DCDC2: variants seen among roughly 807,000 people sequenced by gnomAD.
The protein encoded by DCDC2 is doublecortin domain containing 2.
In DCDC2, 40 loss-of-function variants were observed where a neutral mutation model predicts 50.2. The observed-to-expected ratio is 0.80, with a 90% CI of 0.62 to 1.04. The LOEUF (loss-of-function observed/expected upper bound fraction) is 1.04, where lower values mean the gene tolerates loss of function less well. Ranked by LOEUF, DCDC2 falls within the 50% of genes least tolerant of loss-of-function variation. The pLI is 0.00. For synonymous variants in DCDC2, 234 were observed against 210.6 expected (o/e 1.11, Z -0.96); for missense variants, 570 against 581.9 (o/e 0.98, Z 0.21).
At chr6:24,207,053 C>T (rs2113763212) in intron 7 of DCDC2, among the ~76,000 whole-genome samples, 1 of 152,150 alleles carries the variant, frequency 6.6e-6, no homozygotes. Flanking sequence ...TCATTTTTAC[C>T]ATAAACATTA....
chr6:24,247,948 T>C (rs1433110004), intron 7 of DCDC2, among the ~76,000 whole-genome samples: 1 of 152,124 alleles, frequency 6.6e-6, no homozygotes, highest in Non-Finnish European at 1.5e-5. Flanking sequence ...TGGTGGCGGA[T>C]GCCTGTAATC....
chr6:24,309,482 T>C (rs1024296018), intron 2 of DCDC2, among the ~76,000 whole-genome samples: 1 of 152,178 alleles, frequency 6.6e-6, no homozygotes, highest in African/African-American at 2.4e-5. Context: ...AGAACTGGCA[T>C]AATATTATTT....
At chr6:24,302,848 C>T (rs536912807) in intron 2 of DCDC2, among the ~76,000 whole-genome samples, 1 of 152,036 alleles carries the variant, frequency 6.6e-6, no homozygotes, top group South Asian at 2.1e-4. Flanking sequence ...TCTCATCTCA[C>T]CTCACCCCTC....
intron 8 of DCDC2, among the ~76,000 whole-genome samples, chr6:24,203,797 AACAAACAAAC>A (rs1477019302): frequency 6.0e-5 from 7 of 117,520 alleles, no homozygotes; most frequent in Non-Finnish European, 9.4e-5. Context: ...CAAGAAAAAA[AACAAACAAAC>A]CCATCAAAAA....
chr6:24,183,484 G>A (rs1045225571), intron 8 of DCDC2, among the ~76,000 whole-genome samples: 2 of 152,150 alleles, frequency 1.3e-5, no homozygotes, highest in African/African-American at 4.8e-5. Flanking sequence ...TTCCAAGGGG[G>A]AAGAAGGTAT....
chr6:24,340,023 T>C (rs1399451521), intron 2 of DCDC2, among the ~76,000 whole-genome samples: 2 of 152,158 alleles, frequency 1.3e-5, no homozygotes, highest in Non-Finnish European at 2.9e-5. Context: ...TAAGAGTCAC[T>C]AAGTAAAAAT....
chr6:24,340,191 T>C (rs1179607402), intron 2 of DCDC2, among the ~76,000 whole-genome samples: 1 of 152,176 alleles, frequency 6.6e-6, no homozygotes, highest in Non-Finnish European at 1.5e-5. Context: ...TCCTTCTGTT[T>C]GCCTGGTGAA....
intron 7 of DCDC2, among the ~76,000 whole-genome samples, chr6:24,220,819 G>A (rs1441781838): frequency 2.0e-4 from 8 of 39,954 alleles, no homozygotes; most frequent in Admixed American, 3.1e-4. Flanking sequence ...GGCAGAAAGC[G>A]AAGGGGAAGC....
rs1037241143 is a variant in DCDC2 at position 24,174,061 on chromosome 6, T to C, written c.*669A>G. On this transcript the variant is annotated 3_prime_UTR_variant, in exon 10 of 10. Transcript: ENST00000378454. ...ACAATTCCTTCCTGAGTGTGCGCCA[T>C]TGGAGCCACAAGCATGCAAGCCTGA... is the stretch of plus-strand genomic sequence containing the variant. The C allele has an allele frequency of 1.3e-5, 2 of 152,210 alleles. No homozygotes were observed. The highest frequency in any genetic ancestry group is 3.9e-4 in the East Asian group (2 of 5,188). The allele number at this position is 152,210 out of a possible 1,614,324, so 9.4% of individuals were successfully genotyped here.
intron 7 of DCDC2, among the ~76,000 whole-genome samples, chr6:24,263,930 C>T (rs1763063929): frequency 6.6e-6 from 1 of 152,104 alleles, no homozygotes; most frequent in Non-Finnish European, 1.5e-5. Flanking sequence ...AACCTCAAGA[C>T]ATTTAATAAT....
intron 1 of DCDC2, among the ~76,000 whole-genome samples, chr6:24,356,696 G>C (rs1362368266): frequency 6.6e-6 from 1 of 152,242 alleles, no homozygotes; most frequent in Middle Eastern, 3.4e-3. Context: ...TTAGTGTGCA[G>C]GTAGTCCAGT....
intron 7 of DCDC2, among the ~76,000 whole-genome samples, chr6:24,249,346 T>C (rs564751014): frequency 3.8e-4 from 58 of 152,354 alleles, no homozygotes; most frequent in Non-Finnish European, 7.6e-4. Context: ...TCTGATAGTT[T>C]GAGTCCCATG....
At chr6:24,368,362 GA>G in the DCDC2 span, among the ~76,000 whole-genome samples, 802 of 148,784 alleles carry the variant, frequency 5.4e-3, 4 homozygotes, top group African/African-American at 0.018. Flanking sequence ...ATCTTAAGAA[GA>G]AAAAAAAACA....
intron 6 of DCDC2, among the ~76,000 whole-genome samples, chr6:24,286,969 G>C (rs903970766): frequency 3.3e-5 from 5 of 152,050 alleles, no homozygotes; most frequent in African/African-American, 1.2e-4. Flanking sequence ...CAAGATAGTT[G>C]CAACTGCCTT....
At chr6:24,329,248 A>G (rs1321358257) in intron 2 of DCDC2, among the ~76,000 whole-genome samples, 1 of 152,198 alleles carries the variant, frequency 6.6e-6, no homozygotes, top group East Asian at 1.9e-4. Context: ...TATGCACACA[A>G]AAAAATAGCA....
chr6:24,204,218 C>T (rs1246473720), intron 8 of DCDC2, among the ~76,000 whole-genome samples: 1 of 152,076 alleles, frequency 6.6e-6, no homozygotes, highest in African/African-American at 2.4e-5. Context: ...TTCACAATAG[C>T]AAAGACTTGG....
intron 9 of DCDC2, among the ~76,000 whole-genome samples, chr6:24,176,702 T>C (rs563308024): frequency 9.5e-4 from 144 of 152,344 alleles, no homozygotes; most frequent in African/African-American, 3.2e-3. Flanking sequence ...TACTGTACAA[T>C]AGATCTCTTG....
upstream of DCDC2, among the ~76,000 whole-genome samples, chr6:24,361,264 G>T (rs1004380327): frequency 1.3e-4 from 20 of 152,196 alleles, 1 homozygote; most frequent in African/African-American, 4.6e-4. Context: ...AGATACTGGG[G>T]CCTACTTGAG....
intron 7 of DCDC2, among the ~76,000 whole-genome samples, chr6:24,255,215 A>C (rs189401607): frequency 1.5e-3 from 234 of 152,246 alleles, no homozygotes; most frequent in African/African-American, 5.3e-3. Flanking sequence ...CAGAGGGAGT[A>C]TTGTGGCATT....
Sources: allele counts gnomAD v4.1 joint callset (sites outside exome capture counted in the v4.1 genomes callset), GRCh38; gene constraint gnomAD v4.1.1; transcripts MANE v1.5; gene names NCBI Gene and HGNC (gene_info 2026-07-23, HGNC 2026-07-21).